Variants in ABCD3 observed in about 807,000 individuals in gnomAD.
The protein encoded by ABCD3 is ATP-binding cassette sub-family D member 3.
ABCD3 carries 41 observed loss-of-function variants against 105.5 expected under a neutral mutation model. The ratio of observed to expected loss-of-function variants is 0.39; its 90% CI spans 0.30 to 0.50. The LOEUF is 0.50. Among genes scored for constraint, ABCD3 ranks in the 20% least tolerant of loss-of-function variants. ABCD3 has a pLI of 0.84. For missense variants in ABCD3, 622 were observed against 806.3 expected (o/e 0.77, Z 2.77); for synonymous variants, 258 against 269.0 (o/e 0.96, Z 0.40).
At chr1:94,508,341 A>ATT (rs1557692664) in intron 21 of ABCD3, among the ~76,000 whole-genome samples, 1 of 152,040 alleles carries the variant, frequency 6.6e-6, no homozygotes. Flanking sequence ...GTTCTGTTCC[A>ATT]TTGATCTATA....
rs148848670 is a variant in ABCD3 at position 94,489,927 on chromosome 1, C to T, written c.1274C>T (p.Pro425Leu). 8.7e-5 allele frequency: 141 copies of T among 1,612,908 alleles called. 1 individual carries two copies. Among genetic ancestry groups the T allele is most frequent in the Admixed American group, 5.8e-4 (35 of 59,942 alleles). Residue 425 changes from proline (P) to leucine (L), a missense_variant, in exon 15 of 23, where the codon CCC (proline) becomes CTC (leucine). Physicochemically the swap from Pro to Leu is moderately conservative, Grantham distance 98. Transcript: ENST00000370214. Reference sequence around the variant, plus strand: ...GGTATTGAAGGAGTACAAGTCATTCCCTTGATACCTGGTGCTGGAGAAATC... The same window carrying T: ...GGTATTGAAGGAGTACAAGTCATTCTCTTGATACCTGGTGCTGGAGAAATC... ...EKGIEGVQVIPLIPGAGEIII... is the reference protein window; with the variant it reads ...EKGIEGVQVILLIPGAGEIII...
At chr1:94,466,914 T>G (rs1027425033) in intron 3 of ABCD3, among the ~76,000 whole-genome samples, 1 of 152,192 alleles carries the variant, frequency 6.6e-6, no homozygotes. Flanking sequence ...CTTTAACTTC[T>G]ATGTCACTGT....
rs903894646 is a variant in ABCD3 at position 94,470,437 on chromosome 1, C to T, written c.335+2430C>T. On this transcript the variant is annotated intron_variant, in intron 4 of 22. Coordinates refer to ENST00000370214, the MANE Select transcript of ABCD3 (RefSeq NM_002858.4). ...TGCAGCTCCAGGGTGGGTATTGAGG[C>T]CTCTTGCCATTCCGATTGCTCAGCT... 3.9e-5 allele frequency among the ~76,000 whole-genome samples: 6 copies of T among 152,274 alleles called. No individual in the cohort carries two copies. In the East Asian group the frequency reaches 1.2e-3, roughly 29 times the overall value.
At chr1:94,485,257 C>T (rs765524740) in intron 10 of ABCD3, among the ~76,000 whole-genome samples, 3 of 151,986 alleles carry the variant, frequency 2.0e-5, no homozygotes, top group Admixed American at 1.3e-4. Flanking sequence ...TATTGAATGC[C>T]GTCTAGTTGC....
the ABCD3 span, among the ~76,000 whole-genome samples, chr1:94,387,342 G>A: frequency 1.3e-5 from 2 of 152,136 alleles, no homozygotes; most frequent in Non-Finnish European, 2.9e-5. Context: ...CTTAACTGGG[G>A]CATTTTTTTA....
In ABCD3 at chr1:94,517,181, T is replaced by A; in HGVS notation, c.*52T>A. 1.5e-6 allele frequency: 2 copies of A among 1,331,000 alleles called. No homozygotes were observed. The highest frequency in any genetic ancestry group is 2.2e-6 in the Non-Finnish European group (2 of 924,028). 82.4% of individuals were successfully genotyped at this position (1,331,000 alleles called of 1,614,324 possible). The stretch of plus-strand genomic sequence containing the variant: ...CAGTGAAATAATTACAGAATATACT[T>A]AGAAAGGCAAAGTACATTGTAAAAT... On this transcript the variant is annotated 3_prime_UTR_variant, in exon 23 of 23. Transcript: ENST00000370214.
intron 1 of ABCD3, among the ~76,000 whole-genome samples, chr1:94,422,092 A>G (rs1306693326): frequency 6.6e-6 from 1 of 152,200 alleles, no homozygotes. Flanking sequence ...TTCAAGACTC[A>G]GTCAACACTT....
At chr1:94,507,911 G>T (rs1279555785) in intron 21 of ABCD3, among the ~76,000 whole-genome samples, 2 of 147,170 alleles carry the variant, frequency 1.4e-5, no homozygotes, top group Non-Finnish European at 1.5e-5. Flanking sequence ...AGATGAGTAG[G>T]TTGCGAAAAT....
upstream of ABCD3, among the ~76,000 whole-genome samples, chr1:94,413,799 A>G (rs17111513): frequency 0.025 from 3,800 of 152,246 alleles, 126 homozygotes; most frequent in African/African-American, 0.067. Context: ...AAAAAATTTA[A>G]GATCTGCCTC....
chr1:94,395,582 T>C, the ABCD3 span, among the ~76,000 whole-genome samples: 1 of 152,172 alleles, frequency 6.6e-6, no homozygotes, highest in African/African-American at 2.4e-5. Context: ...TTACCAGTGC[T>C]TCCCATTGGC....
intron 16 of ABCD3, among the ~76,000 whole-genome samples, chr1:94,491,712 A>G (rs1273218431): frequency 6.6e-6 from 1 of 152,120 alleles, no homozygotes; most frequent in East Asian, 1.9e-4. Context: ...CACCTAAAAC[A>G]AGTAAAATCC....
intron 1 of ABCD3, among the ~76,000 whole-genome samples, chr1:94,458,261 G>A (rs75631206): frequency 0.013 from 1,928 of 152,314 alleles, 45 homozygotes; most frequent in African/African-American, 0.044. Context: ...GTTTGCTGAT[G>A]TCCCATTGGC....
At chr1:94,471,348 A>G (rs2100988561) in intron 4 of ABCD3, among the ~76,000 whole-genome samples, 1 of 152,148 alleles carries the variant, frequency 6.6e-6, no homozygotes, top group East Asian at 1.9e-4. Context: ...ACTTGAGGCC[A>G]AGAGTTCAAG....
chr1:94,451,446 C>G (rs543451701), intron 1 of ABCD3, among the ~76,000 whole-genome samples: 1 of 151,934 alleles, frequency 6.6e-6, no homozygotes, highest in Non-Finnish European at 1.5e-5. Flanking sequence ...AGTCAGGGAA[C>G]AACTTAAACC....
intron 8 of ABCD3, among the ~76,000 whole-genome samples, chr1:94,478,993 A>G (rs1648901498): frequency 6.6e-6 from 1 of 152,194 alleles, no homozygotes; most frequent in Non-Finnish European, 1.5e-5. Context: ...TTATTGTTAC[A>G]TATTTATAAC....
At chr1:94,397,518 G>C in the ABCD3 span, among the ~76,000 whole-genome samples, 1 of 152,100 alleles carries the variant, frequency 6.6e-6, no homozygotes, top group African/African-American at 2.4e-5. Context: ...TAATTAGTTG[G>C]GGGTTATGGA....
At chr1:94,475,294 G>T (rs1648684122) in intron 6 of ABCD3, 54 bp downstream of exon 6, 5 of 1,198,544 alleles carry the variant, frequency 4.2e-6, no homozygotes, top group Middle Eastern at 2.8e-4. Context: ...GAGTATTTAT[G>T]AAGCTGATCA....
At chr1:94,408,938 C>T in the ABCD3 span, among the ~76,000 whole-genome samples, 1 of 152,158 alleles carries the variant, frequency 6.6e-6, no homozygotes, top group African/African-American at 2.4e-5. Flanking sequence ...AGTCGGCTAC[C>T]ACATTCATGT....
chr1:94,409,599 A>G, the ABCD3 span, among the ~76,000 whole-genome samples: 1 of 152,234 alleles, frequency 6.6e-6, no homozygotes, highest in Non-Finnish European at 1.5e-5. Context: ...TACTTATTAC[A>G]ACTTTAAAAA....
Sources: gnomAD v4.1 joint callset for allele counts (sites outside exome capture counted in the v4.1 genomes callset) on GRCh38, gnomAD v4.1.1 for gene constraint, MANE v1.5 for transcripts, NCBI Gene and HGNC (gene_info 2026-07-23, HGNC 2026-07-21) for gene names.